The following PRKCI variants were observed in gnomAD, a reference collection of about 807,000 sequenced individuals.
PRKCI encodes the protein protein kinase C iota type.
PRKCI carries 43 observed loss-of-function variants against 84.0 expected under a neutral mutation model. The observed-to-expected ratio is 0.51, with a 90% CI of 0.40 to 0.66. The LOEUF is 0.66. Ranked by LOEUF, PRKCI falls within the 30% of genes least tolerant of loss-of-function variation. The pLI, the probability that PRKCI is intolerant of heterozygous loss-of-function variation, is 0.00. For synonymous variants in PRKCI, 216 were observed against 234.4 expected (o/e 0.92, Z 0.72); for missense variants, 459 against 745.6 (o/e 0.62, Z 4.48).
intron 1 of PRKCI, among the ~76,000 whole-genome samples, chr3:170,233,447 TG>T (rs1732856583): frequency 6.6e-6 from 1 of 152,166 alleles, no homozygotes. Context: ...AAATAATTTA[TG>T]CTAGTGCTGA....
intron 2 of PRKCI, among the ~76,000 whole-genome samples, chr3:170,252,639 C>T (rs556708780): frequency 6.6e-6 from 1 of 150,736 alleles, no homozygotes; most frequent in African/African-American, 2.4e-5. Context: ...CTCACTCTTG[C>T]TCAGGCTGGA....
At chr3:170,296,088 A>G in intron 15 of PRKCI, 98 bp downstream of exon 15, 1 of 627,364 alleles carries the variant, frequency 1.6e-6, no homozygotes, top group Non-Finnish European at 2.5e-6. Context: ...CCAAAACAGT[A>G]GAGAATGTAA....
At chr3:170,290,823 AT>A (rs201653350) in intron 12 of PRKCI, among the ~76,000 whole-genome samples, 148 of 151,518 alleles carry the variant, frequency 9.8e-4, no homozygotes, top group African/African-American at 3.4e-3. Context: ...GTTTTGCCTT[AT>A]TTTTTTTCCA....
At chr3:170,233,421 T>C (rs966524539) in intron 1 of PRKCI, among the ~76,000 whole-genome samples, 6 of 152,112 alleles carry the variant, frequency 3.9e-5, no homozygotes, top group Non-Finnish European at 7.4e-5. Context: ...TTATATTCTG[T>C]TGAGGATCAG....
Position 170,303,169 on chromosome 3 carries a change from A to G in PRKCI, c.*42A>G, listed in dbSNP as rs1359988916. 6.9e-7 allele frequency: 1 copy of G among 1,451,724 alleles called. No individual in the cohort carries two copies. Among genetic ancestry groups the G allele is most frequent in the African/African-American group, 1.4e-5 (1 of 70,278 alleles). The allele number at this position is 1,451,724 out of a possible 1,614,324, so 89.9% of individuals were successfully genotyped here. On this transcript the variant is annotated 3_prime_UTR_variant, in exon 18 of 18. Transcript: ENST00000295797. ...ATGTATTCTACTCATGTTGCCATTT[A>G]ATGCATGGATAAACTTGCTGCAAGC...
At chr3:170,253,432 G>A (rs572809178) in intron 2 of PRKCI, among the ~76,000 whole-genome samples, 1 of 152,296 alleles carries the variant, frequency 6.6e-6, no homozygotes, top group African/African-American at 2.4e-5. Context: ...GCAGTTCCCT[G>A]ATGATCAATG....
rs1296139109 is a variant in PRKCI at position 170,305,579 on chromosome 3, A to T, written c.*2452A>T. ...TTTAAATCTTTTTTTAACTAATAAG[A>T]TTTACGGTGTGTATTTTATACAGAA... On this transcript the variant is annotated 3_prime_UTR_variant, in exon 18 of 18. Transcript: ENST00000295797. The T allele has an allele frequency of 6.6e-6, 1 of 152,038 alleles. No individual in the cohort carries two copies. Among genetic ancestry groups the T allele is most frequent in the East Asian group, 1.9e-4 (1 of 5,202 alleles). 9.4% of individuals were successfully genotyped at this position (152,038 alleles called of 1,614,324 possible).
intron 1 of PRKCI, among the ~76,000 whole-genome samples, chr3:170,234,888 C>T (rs1306438627): frequency 6.6e-6 from 1 of 151,994 alleles, no homozygotes; most frequent in Admixed American, 6.6e-5. Context: ...CTGTAACCTA[C>T]ACCTCCCATG....
chr3:170,253,479 G>A (rs1291970921), intron 2 of PRKCI, among the ~76,000 whole-genome samples: 2 of 152,158 alleles, frequency 1.3e-5, no homozygotes, highest in African/African-American at 4.8e-5. Context: ...TTTGCCGTTT[G>A]TATGTCTCCT....
chr3:170,260,116 T>TTA lies in PRKCI; in HGVS notation c.313+60_313+61dup, dbSNP rs890952110. On this transcript the variant is annotated intron_variant, in intron 3 of 17. Coordinates refer to ENST00000295797, the MANE Select transcript of PRKCI (RefSeq NM_002740.6). ...CTGATAATTTCTTTGAAATCACTCT[T>TTA]TATTCTTCACCATTTTGAAACATAA... is the stretch of plus-strand genomic sequence containing the variant. 2.2e-4 allele frequency: 252 copies of TTA among 1,120,344 alleles called. 1 individual carries two copies. The Middle Eastern group carries it at 3.6e-3, about 16-fold the overall frequency. The allele number at this position is 1,120,344 out of a possible 1,614,324, so 69.4% of individuals were successfully genotyped here. A position where few individuals can be genotyped will look rare whatever the true frequency, so the allele number is the denominator to read the frequency against.
intron 8 of PRKCI, among the ~76,000 whole-genome samples, chr3:170,277,224 G>A (rs540675117): frequency 6.6e-6 from 1 of 152,012 alleles, no homozygotes; most frequent in Admixed American, 6.6e-5. Flanking sequence ...ACTCCAGCCT[G>A]GGCGACAGAG....
At chr3:170,273,264 G>A (rs749515308) in intron 6 of PRKCI, 22 bp from the exon 7 acceptor site, 4 of 1,605,530 alleles carry the variant, frequency 2.5e-6, no homozygotes, top group Admixed American at 1.7e-5. Context: ...CTGAGTTACT[G>A]TGTCTTTGGA....
rs200321008 is a variant in PRKCI, at chr3:170,235,354, G to A, written c.223+3G>A. On this transcript the variant is annotated splice_donor_region_variant and intron_variant, in intron 2 of 17. Coordinates refer to ENST00000295797, the MANE Select transcript of PRKCI (RefSeq NM_002740.6). Reference sequence around the variant, plus strand: ...CATGAAATGGATAGATGAGGAAGGTGAGTGGTAAAGACAGGGCTGCCTGTG... The same window carrying A: ...CATGAAATGGATAGATGAGGAAGGTAAGTGGTAAAGACAGGGCTGCCTGTG... The A allele has an allele frequency of 9.2e-5, 148 of 1,613,868 alleles. No homozygotes were observed. In the East Asian group the frequency reaches 2.4e-3, roughly 26 times the overall value.
At chr3:170,265,772 AT>A (rs11339974) in intron 4 of PRKCI, among the ~76,000 whole-genome samples, 12,107 of 146,390 alleles carry the variant, frequency 0.083, 1,150 homozygotes, top group African/African-American at 0.23. Context: ...CGCCCGTCTA[AT>A]TTTTTTTTTT....
chr3:170,228,640 C>CAT (rs766505873), intron 1 of PRKCI, among the ~76,000 whole-genome samples: 112 of 147,792 alleles, frequency 7.6e-4, no homozygotes, highest in African/African-American at 2.5e-3. Flanking sequence ...CACACACACA[C>CAT]ATATACATAC....
chr3:170,284,174 G>C (rs1449066198), intron 11 of PRKCI, among the ~76,000 whole-genome samples: 2 of 152,010 alleles, frequency 1.3e-5, no homozygotes, highest in Non-Finnish European at 2.9e-5. Flanking sequence ...AGTTGTAGAA[G>C]TATGGACTGC....
At position 170,300,583 on chromosome 3, in the gene PRKCI, CAAAA is replaced by C. The variant is rs569208737; in HGVS notation, c.1703+1482_1703+1485del. The stretch of plus-strand genomic sequence containing the variant: ...TCATTTTCATTTCATCTTAAAGCCT[CAAAA>C]AAAAAAAAGTTAATAGATGTTCATG... On this transcript the variant is annotated intron_variant, in intron 17 of 17. Transcript: ENST00000295797. Among the ~76,000 whole-genome samples, 3 of 132,450 alleles carry C rather than the reference CAAAA, an allele frequency of 2.3e-5. No individual in the cohort carries two copies. In the Admixed American group the frequency reaches 2.3e-4, roughly 10 times the overall value. 86.9% of individuals were successfully genotyped at this position (132,450 alleles called of 152,430 possible).
At chr3:170,263,685 T>C (rs2108850398) in intron 4 of PRKCI, among the ~76,000 whole-genome samples, 1 of 152,030 alleles carries the variant, frequency 6.6e-6, no homozygotes, top group African/African-American at 2.4e-5. Flanking sequence ...TAATCTCAGC[T>C]ACTTGGGAGG....
chr3:170,274,322 T>C (rs1397624770), intron 7 of PRKCI, among the ~76,000 whole-genome samples: 1 of 152,082 alleles, frequency 6.6e-6, no homozygotes, highest in Non-Finnish European at 1.5e-5. Flanking sequence ...TTAGTAGAGA[T>C]GGGGTTTCAC....
Sources: allele counts gnomAD v4.1 joint callset (sites outside exome capture counted in the v4.1 genomes callset), GRCh38; gene constraint gnomAD v4.1.1; transcripts MANE v1.5; gene names NCBI Gene and HGNC (gene_info 2026-07-23, HGNC 2026-07-21).